The following RNF141 variants were observed in gnomAD, a reference collection of about 807,000 sequenced individuals.
RNF141 encodes C3HC4-like zinc finger protein.
A neutral mutation model predicts 27.4 loss-of-function variants in RNF141; 18 were observed. The ratio of observed to expected loss-of-function variants is 0.66; its 90% CI spans 0.45 to 0.97. The LOEUF (loss-of-function observed/expected upper bound fraction) is 0.97, where lower values mean the gene tolerates loss of function less well. RNF141 is among the 50% of genes least tolerant of loss of function. The probability of loss-of-function intolerance (pLI) is 0.00; values close to 1 mark genes in which losing one functional copy is unlikely to be tolerated. For missense variants in RNF141, 230 were observed against 279.4 expected, an observed-to-expected ratio of 0.82 and a Z score of 1.26; for synonymous variants, 97 against 96.6, an observed-to-expected ratio of 1.00 and a Z score of -0.02.
intron 2 of RNF141, among the ~76,000 whole-genome samples, chr11:10,531,332 G>A (rs963955118): frequency 2.1e-5 from 3 of 143,410 alleles, no homozygotes; most frequent in Non-Finnish European, 3.0e-5. Flanking sequence ...CCAAGATCAC[G>A]CCATTGCACT....
rs772444952 is a variant in RNF141, at chr11:10,514,927, G to A, written c.682C>T (p.His228Tyr). The change falls in exon 6 of 6, where the codon CAC (histidine) becomes TAC (tyrosine). Residue 228 changes from histidine to tyrosine, a missense_variant. Coordinates refer to ENST00000265981, the MANE Select transcript of RNF141 (RefSeq NM_016422.4). ...LNMADEAGQP[H>Y]RP is the part of the protein sequence containing the mutation. ...CTTTCACTTCAAGGTCATGGCCTGT[G>A]GGGCTGGCCTGCCTCATCAGCCATG... 1 of 1,612,448 alleles carries A rather than the reference G, an allele frequency of 6.2e-7. No homozygotes were observed. Among genetic ancestry groups the A allele is most frequent in the South Asian group, 1.1e-5 (1 of 90,718 alleles).
At chr11:10,518,176 A>G (rs561758048) in intron 5 of RNF141, 1 of 152,288 alleles carries the variant, frequency 6.6e-6, no homozygotes, top group South Asian at 2.1e-4. Flanking sequence ...TGCTTTGGAA[A>G]ATAGCTGGCA....
chr11:10,530,694 C>T lies in RNF141; in HGVS notation c.201G>A (p.Gly67=). 1 of 1,611,588 alleles carries T rather than the reference C, an allele frequency of 6.2e-7. No homozygotes were observed. Among genetic ancestry groups the T allele is most frequent in the South Asian group, 1.1e-5 (1 of 90,806 alleles). The change falls in exon 3 of 6, where the codon GGG becomes GGA. Residue 67 remains glycine, a synonymous_variant. Coordinates refer to ENST00000265981, the MANE Select transcript of RNF141 (RefSeq NM_016422.4). ...CTTTCCAAAAAGCAGAGGAATCAGACCCAGGTTGTACCTCAAAGAGAAGAT... is the reference window on the plus strand; with the variant it reads ...CTTTCCAAAAAGCAGAGGAATCAGATCCAGGTTGTACCTCAAAGAGAAGAT... The part of the protein sequence containing the change: ...EKHLLFEVQP[G]SDSSAFWKVV...
chr11:10,523,074 A>G (rs1849902706), intron 4 of RNF141, among the ~76,000 whole-genome samples: 1 of 152,218 alleles, frequency 6.6e-6, no homozygotes, highest in African/African-American at 2.4e-5. Flanking sequence ...TTTTTCAGGC[A>G]GTGAGTCTCA....
rs766719823 is a variant in RNF141 at position 10,515,099 on chromosome 11, T to G, written c.543-33A>C. On this transcript the variant is annotated intron_variant, in intron 5 of 5. Transcript: ENST00000265981. ...AGAAGTCAAAACAAAACAGTTTGCT[T>G]TCTTCTTTTTTAAAAACAGGATTTT... 57 of 1,572,766 alleles carry G rather than the reference T, an allele frequency of 3.6e-5. No individual in the cohort carries two copies. The South Asian group carries it at 6.2e-4, about 17-fold the overall frequency.
At chr11:10,532,264 C>T (rs1398796607) in intron 2 of RNF141, among the ~76,000 whole-genome samples, 3 of 151,964 alleles carry the variant, frequency 2.0e-5, no homozygotes, top group Non-Finnish European at 2.9e-5. Context: ...ATTCAGAATC[C>T]TATTTTTAAA....
intron 1 of RNF141, among the ~76,000 whole-genome samples, chr11:10,539,601 G>C (rs1243968875): frequency 7.4e-6 from 1 of 134,966 alleles, no homozygotes; most frequent in Non-Finnish European, 1.6e-5. Flanking sequence ...AGTTAATATA[G>C]ATACATAGTG....
Position 10,513,257 on chromosome 11 carries a change from C to G in RNF141, c.*1659G>C, listed in dbSNP as rs1222047387. On this transcript the variant is annotated 3_prime_UTR_variant, in exon 6 of 6. Transcript: ENST00000265981. ...GGGGCGAAATCAAGCTACCCCTGGC[C>G]AGATGTTTTTCCTTGAAATTGATTT... is the stretch of plus-strand genomic sequence containing the variant. The G allele has an allele frequency of 6.6e-6, 1 of 152,188 alleles. No individual in the cohort carries two copies. Among genetic ancestry groups the G allele is most frequent in the East Asian group, 1.9e-4 (1 of 5,196 alleles). The allele number at this position is 152,188 out of a possible 1,614,324, so 9.4% of individuals were successfully genotyped here.
rs1849830527 is a variant in RNF141, at chr11:10,514,792, G to A, written c.*124C>T. 6 of 893,420 alleles carry A rather than the reference G, an allele frequency of 6.7e-6. No homozygotes were observed. The highest frequency in any genetic ancestry group is 9.7e-6 in the Non-Finnish European group (6 of 621,242). 55.3% of individuals were successfully genotyped at this position (893,420 alleles called of 1,614,324 possible). On this transcript the variant is annotated 3_prime_UTR_variant, in exon 6 of 6. Coordinates refer to ENST00000265981, the MANE Select transcript of RNF141 (RefSeq NM_016422.4). ...AAAAGGGGGACAAATGATCAGAATA[G>A]CAAAAATAAAAGAGTGGGGAAAATG...
At chr11:10,524,431 C>T (rs1849914815) in intron 4 of RNF141, among the ~76,000 whole-genome samples, 3 of 152,036 alleles carry the variant, frequency 2.0e-5, no homozygotes, top group Non-Finnish European at 1.5e-5. Flanking sequence ...CTGTTAAGTA[C>T]ATTCTTAACT....
intron 1 of RNF141, among the ~76,000 whole-genome samples, chr11:10,537,191 A>T (rs1850044954): frequency 6.6e-6 from 1 of 152,206 alleles, no homozygotes. Context: ...AATGGCTGCT[A>T]CATGTGAGCT....
chr11:10,541,032 C>CG (rs2133980603), intron 1 of RNF141, 90 bp downstream of exon 1: 1 of 152,366 alleles, frequency 6.6e-6, no homozygotes, highest in East Asian at 1.9e-4. Flanking sequence ...GGCTCGGCAG[C>CG]GGAGGGCCCT....
At position 10,532,538 on chromosome 11, in the gene RNF141, C is replaced by CACA. The variant is rs60120487; in HGVS notation, c.143+1477_143+1478insTGT. On this transcript the variant is annotated intron_variant, in intron 2 of 5. Transcript: ENST00000265981. ...ACACACACACACACACACACACACA[C>CACA]CCCACAACTATATACAGCTTTTTGT... Among the ~76,000 whole-genome samples the CACA allele has an allele frequency of 8.8e-3, 1,014 of 115,136 alleles. 47 individuals are homozygous for CACA. The highest frequency in any genetic ancestry group is 0.083 in the Admixed American group (907 of 10,926). 75.5% of individuals were successfully genotyped at this position (115,136 alleles called of 152,430 possible). A position where few individuals can be genotyped will look rare whatever the true frequency, so the allele number is the denominator to read the frequency against.
intron 5 of RNF141, chr11:10,518,178 T>C (rs1423816618): frequency 6.6e-6 from 1 of 152,120 alleles, no homozygotes; most frequent in Non-Finnish European, 1.5e-5. Flanking sequence ...CTTTGGAAAA[T>C]AGCTGGCAGC....
In RNF141 at chr11:10,511,728, CA is replaced by C. The variant is rs1314620461; in HGVS notation, c.*3187del. 8 of 152,158 alleles carry C rather than the reference CA, an allele frequency of 5.3e-5. No individual in the cohort carries two copies. The highest frequency in any genetic ancestry group is 1.9e-4 in the African/African-American group (8 of 41,396). 9.4% of individuals were successfully genotyped at this position (152,158 alleles called of 1,614,324 possible). A position where few individuals can be genotyped will look rare whatever the true frequency, so the allele number is the denominator to read the frequency against. On this transcript the variant is annotated 3_prime_UTR_variant, in exon 6 of 6. Coordinates refer to ENST00000265981, the MANE Select transcript of RNF141 (RefSeq NM_016422.4). Reference sequence around the variant, plus strand: ...TTCCCAATGTTAAAAATCACTGAATCAAAAGATATTTTCAAGCAGCCTTTTC... The same window carrying C: ...TTCCCAATGTTAAAAATCACTGAATCAAAGATATTTTCAAGCAGCCTTTTC...
Position 10,534,132 on chromosome 11 carries a change from T to C in RNF141, c.27A>G (p.Thr9=). The change falls in exon 2 of 6, where the codon ACA becomes ACG. Residue 9 remains threonine, a synonymous_variant. Coordinates refer to ENST00000265981, the MANE Select transcript of RNF141 (RefSeq NM_016422.4). MGQQISDQ[T]QLVINKLPEK... ...CTGGTAACTTGTTAATAACCAACTG[T>C]GTCTGATCCGAAATTTGCTGTCCCA... 6.2e-7 allele frequency: 1 copy of C among 1,613,456 alleles called. No homozygotes were observed. The highest frequency in any genetic ancestry group is 8.5e-7 in the Non-Finnish European group (1 of 1,179,620).
chr11:10,513,711 G>C lies in RNF141; in HGVS notation c.*1205C>G, dbSNP rs573360493. 1.3e-5 allele frequency: 2 copies of C among 151,450 alleles called. No homozygotes were observed. Among genetic ancestry groups the C allele is most frequent in the African/African-American group, 2.4e-5 (1 of 41,162 alleles). The allele number at this position is 151,450 out of a possible 1,614,324, so 9.4% of individuals were successfully genotyped here. On this transcript the variant is annotated 3_prime_UTR_variant, in exon 6 of 6. Coordinates refer to ENST00000265981, the MANE Select transcript of RNF141 (RefSeq NM_016422.4). ...TGTTTTTTTTTTGATTAGGAGTCTC[G>C]TTCTGTCTCCCAGGCTGGAGTGCAG...
At chr11:10,521,596 A>T (rs1275240218) in intron 4 of RNF141, among the ~76,000 whole-genome samples, 2 of 152,224 alleles carry the variant, frequency 1.3e-5, no homozygotes, top group Non-Finnish European at 2.9e-5. Context: ...AGTACTTAAA[A>T]TTTTGATTTG....
intron 1 of RNF141, among the ~76,000 whole-genome samples, chr11:10,540,127 C>T (rs1850081864): frequency 6.6e-6 from 1 of 152,068 alleles, no homozygotes; most frequent in African/African-American, 2.4e-5. Flanking sequence ...GGATCGTCGG[C>T]CGGTGGCAGC....
Sources: gnomAD v4.1 joint callset for allele counts (sites outside exome capture counted in the v4.1 genomes callset) on GRCh38, gnomAD v4.1.1 for gene constraint, MANE v1.5 for transcripts, NCBI Gene and HGNC (gene_info 2026-07-23, HGNC 2026-07-21) for gene names.